Variants in MAF observed in about 807,000 individuals in gnomAD.
The protein encoded by MAF is transcription factor Maf.
In MAF, 10 loss-of-function variants were observed where a neutral mutation model predicts 22.0. The ratio of observed to expected loss-of-function variants is 0.45; its 90% CI spans 0.28 to 0.77. The LOEUF (loss-of-function observed/expected upper bound fraction) is 0.77. MAF is among the 30% of genes least tolerant of loss of function. The pLI, the probability that MAF is intolerant of heterozygous loss-of-function variation, is 0.12. For missense variants in MAF, 544 were observed against 548.4 expected, an observed-to-expected ratio of 0.99 and a Z score of 0.08; for synonymous variants, 337 against 255.8, an observed-to-expected ratio of 1.32 and a Z score of -3.03.
the MAF span, among the ~76,000 whole-genome samples, chr16:79,270,187 C>G: frequency 6.6e-6 from 1 of 152,080 alleles, no homozygotes; most frequent in Admixed American, 6.6e-5. Flanking sequence ...AAAGCAGATC[C>G]CTTCTGCATC....
chr16:79,576,429 G>A, the MAF span, among the ~76,000 whole-genome samples: 1 of 152,052 alleles, frequency 6.6e-6, no homozygotes, highest in African/African-American at 2.4e-5. Flanking sequence ...AGTATACAAA[G>A]CCTCTGAGGC....
the MAF span, among the ~76,000 whole-genome samples, chr16:79,463,904 T>C: frequency 6.6e-6 from 1 of 150,772 alleles, no homozygotes; most frequent in African/African-American, 2.4e-5. Context: ...CTAAAACAAA[T>C]GGAAACTGAC....
At chr16:79,328,593 C>T in the MAF span, among the ~76,000 whole-genome samples, 44 of 152,172 alleles carry the variant, frequency 2.9e-4, no homozygotes, top group Non-Finnish European at 5.1e-4. Context: ...TCCCTCGAGC[C>T]GAGCTGGCAC....
chr16:79,237,664 A>C, the MAF span, among the ~76,000 whole-genome samples: 1 of 148,922 alleles, frequency 6.7e-6, no homozygotes, highest in African/African-American at 2.5e-5. Flanking sequence ...GATCTATCCT[A>C]TAGTTTTCTC....
At chr16:79,299,239 T>A in the MAF span, among the ~76,000 whole-genome samples, 1 of 151,798 alleles carries the variant, frequency 6.6e-6, no homozygotes, top group Non-Finnish European at 1.5e-5. Flanking sequence ...TTAATGCGGG[T>A]TTTGTTCAGG....
downstream of MAF, chr16:79,593,831 G>C (rs1364683873): frequency 5.6e-6 from 1 of 179,984 alleles, no homozygotes; most frequent in Non-Finnish European, 1.2e-5. Flanking sequence ...AAATCACACA[G>C]AGGGTGTGTA....
the MAF span, chr16:79,211,871 C>G: frequency 1.9e-6 from 3 of 1,593,456 alleles, no homozygotes; most frequent in African/African-American, 4.0e-5. Flanking sequence ...GGCTGGGCCC[C>G]TTCCAAATGT....
At chr16:79,575,321 C>T in the MAF span, among the ~76,000 whole-genome samples, 1 of 152,172 alleles carries the variant, frequency 6.6e-6, no homozygotes, top group East Asian at 1.9e-4. Flanking sequence ...CCCTTGGCTA[C>T]TGCTGATTGA....
At chr16:79,364,469 C>G in the MAF span, among the ~76,000 whole-genome samples, 5 of 152,148 alleles carry the variant, frequency 3.3e-5, no homozygotes, top group African/African-American at 9.7e-5. Context: ...CCACTGGAAC[C>G]TGGACCACAG....
At position 79,599,533 on chromosome 16, in the gene MAF, G is replaced by T. The variant is rs1425301678; in HGVS notation, c.370C>A (p.Leu124Ile). Residue 124 changes from leucine (L) to isoleucine (I), a missense_variant, in exon 1 of 2, where the codon CTC becomes ATC. Coordinates refer to ENST00000326043, the MANE Select transcript of MAF (RefSeq NM_005360.5). ...VEALISNSHQ[L>I]QGGFDGYARG... is the part of the protein sequence containing the mutation. Reference sequence around the variant, plus strand: ...GCGTAGCCATCGAAGCCGCCCTGGAGCTGGTGGCTGTTGCTGATGAGCGCC... The same window carrying T: ...GCGTAGCCATCGAAGCCGCCCTGGATCTGGTGGCTGTTGCTGATGAGCGCC... 2 of 1,558,610 alleles carry T rather than the reference G, an allele frequency of 1.3e-6. No individual in the cohort carries two copies. The highest frequency in any genetic ancestry group is 1.2e-5 in the South Asian group (1 of 84,998).
At chr16:79,430,168 A>C in the MAF span, among the ~76,000 whole-genome samples, 1 of 152,150 alleles carries the variant, frequency 6.6e-6, no homozygotes, top group Non-Finnish European at 1.5e-5. Context: ...CTCACATTTT[A>C]TGACGGTAAT....
the MAF span, among the ~76,000 whole-genome samples, chr16:79,530,279 T>C: frequency 6.6e-6 from 1 of 152,162 alleles, no homozygotes; most frequent in African/African-American, 2.4e-5. Context: ...TTTTCCGTGG[T>C]CTCAGGAGTG....
the MAF span, among the ~76,000 whole-genome samples, chr16:79,337,988 T>A: frequency 6.6e-6 from 1 of 152,212 alleles, no homozygotes; most frequent in African/African-American, 2.4e-5. Context: ...GGGCACCAGC[T>A]TTGTGTCAGG....
the MAF span, among the ~76,000 whole-genome samples, chr16:79,576,505 A>C: frequency 6.6e-6 from 1 of 152,116 alleles, no homozygotes; most frequent in Admixed American, 6.6e-5. Flanking sequence ...GTTTGACCAC[A>C]AAACTCCCTA....
chr16:79,254,974 G>A, the MAF span, among the ~76,000 whole-genome samples: 1 of 152,172 alleles, frequency 6.6e-6, no homozygotes, highest in South Asian at 2.1e-4. Context: ...TGAGTGTGTT[G>A]CAAAGTAAAG....
the MAF span, among the ~76,000 whole-genome samples, chr16:79,525,832 A>G: frequency 6.6e-6 from 1 of 152,232 alleles, no homozygotes; most frequent in Non-Finnish European, 1.5e-5. Context: ...TTCAGGTTTC[A>G]TGAAGAGTGC....
At chr16:79,430,023 C>T in the MAF span, among the ~76,000 whole-genome samples, 7 of 152,212 alleles carry the variant, frequency 4.6e-5, no homozygotes, top group Admixed American at 1.3e-4. Flanking sequence ...GGCTGGGGAC[C>T]AAAGTCTTCT....
chr16:79,366,687 A>G, the MAF span, among the ~76,000 whole-genome samples: 1 of 152,358 alleles, frequency 6.6e-6, no homozygotes, highest in African/African-American at 2.4e-5. Context: ...CTCTCCCATG[A>G]TAACTAGGAA....
At chr16:79,469,972 T>C in the MAF span, among the ~76,000 whole-genome samples, 2 of 152,186 alleles carry the variant, frequency 1.3e-5, no homozygotes, top group Non-Finnish European at 2.9e-5. Context: ...ATAAGTTATC[T>C]TAAGTTTAGA....
Sources: gnomAD v4.1 joint callset for allele counts (sites outside exome capture counted in the v4.1 genomes callset) on GRCh38, gnomAD v4.1.1 for gene constraint, MANE v1.5 for transcripts, NCBI Gene and HGNC (gene_info 2026-07-23, HGNC 2026-07-21) for gene names.